The following TMEM232 variants were observed in gnomAD, a reference collection of about 807,000 sequenced individuals.
TMEM232 encodes transmembrane protein 232.
A neutral mutation model predicts 78.8 loss-of-function variants in TMEM232; 80 were observed. The observed-to-expected ratio is 1.01, with a 90% CI of 0.85 to 1.22. TMEM232 has a LOEUF of 1.22. TMEM232 is among the 50% of genes most tolerant of loss of function. The pLI, the probability that TMEM232 is intolerant of heterozygous loss-of-function variation, is 0.00. For missense variants in TMEM232, 881 were observed against 742.2 expected (o/e 1.19, Z -2.17); for synonymous variants, 297 against 254.3 (o/e 1.17, Z -1.60).
At chr5:110,565,022 C>T (rs999391175) in intron 11 of TMEM232, among the ~76,000 whole-genome samples, 7 of 151,872 alleles carry the variant, frequency 4.6e-5, no homozygotes, top group Non-Finnish European at 8.8e-5. Flanking sequence ...ATAATTTCAT[C>T]GGTTTACTTC....
chr5:110,492,032 GC>G (rs1765155883), intron 12 of TMEM232, among the ~76,000 whole-genome samples: 1 of 151,452 alleles, frequency 6.6e-6, no homozygotes, highest in Admixed American at 6.6e-5. Context: ...ACAGACAATT[GC>G]CAGCAAACAT....
chr5:110,587,113 G>A (rs760662596), intron 10 of TMEM232, among the ~76,000 whole-genome samples: 1 of 151,948 alleles, frequency 6.6e-6, no homozygotes, highest in African/African-American at 2.4e-5. Context: ...TTTTAAATAA[G>A]GACAGAAGTT....
At chr5:110,620,795 T>C (rs1783633438) in intron 7 of TMEM232, among the ~76,000 whole-genome samples, 1 of 150,984 alleles carries the variant, frequency 6.6e-6, no homozygotes, top group Non-Finnish European at 1.5e-5. Flanking sequence ...CTGCCACACC[T>C]GCGAATTTTC....
intron 8 of TMEM232, chr5:110,618,106 C>A (rs1783166845): frequency 4.2e-6 from 1 of 240,570 alleles, no homozygotes; most frequent in Non-Finnish European, 8.0e-6. Flanking sequence ...TTGTGTTTCA[C>A]TGCTTTTGTT....
At chr5:110,626,965 C>A (rs1784500081) in intron 6 of TMEM232, among the ~76,000 whole-genome samples, 1 of 152,020 alleles carries the variant, frequency 6.6e-6, no homozygotes, top group African/African-American at 2.4e-5. Flanking sequence ...TTTCTCCCTG[C>A]CCCTCGCCCT....
chr5:110,491,843 A>C (rs1440328008), intron 12 of TMEM232, among the ~76,000 whole-genome samples: 8 of 151,924 alleles, frequency 5.3e-5, no homozygotes, highest in Non-Finnish European at 8.8e-5. Flanking sequence ...AAATATGGGA[A>C]AAGTAAGTAA....
intron 1 of TMEM232, among the ~76,000 whole-genome samples, chr5:110,722,192 G>A (rs924861260): frequency 3.9e-5 from 6 of 152,064 alleles, no homozygotes; most frequent in Non-Finnish European, 8.8e-5. Context: ...TATATCTTTA[G>A]AAAAATAAAC....
At chr5:110,410,586 A>G (rs1755958587) in intron 2 of TMEM232, among the ~76,000 whole-genome samples, 1 of 152,222 alleles carries the variant, frequency 6.6e-6, no homozygotes, top group African/African-American at 2.4e-5. Context: ...GTTCTTTTAG[A>G]CAATGTTGAG....
intron 12 of TMEM232, among the ~76,000 whole-genome samples, chr5:110,435,447 A>G (rs1382192682): frequency 6.6e-6 from 1 of 151,828 alleles, no homozygotes; most frequent in Non-Finnish European, 1.5e-5. Context: ...TGGATTATAC[A>G]TCCCCTCAAG....
intron 12 of TMEM232, among the ~76,000 whole-genome samples, chr5:110,506,305 C>T (rs1413377329): frequency 6.6e-6 from 1 of 152,050 alleles, no homozygotes; most frequent in Admixed American, 6.6e-5. Flanking sequence ...GGAGGCAAGT[C>T]TGTTTTCCTC....
At chr5:110,584,449 T>G (rs980385182) in intron 10 of TMEM232, among the ~76,000 whole-genome samples, 4 of 152,102 alleles carry the variant, frequency 2.6e-5, no homozygotes, top group Admixed American at 2.0e-4. Context: ...CTAAAATAGT[T>G]AAGCTGCCCG....
At chr5:110,620,350 G>A (rs917543127) in intron 7 of TMEM232, among the ~76,000 whole-genome samples, 3 of 152,082 alleles carry the variant, frequency 2.0e-5, no homozygotes, top group African/African-American at 4.8e-5. Context: ...AAAGCCACTT[G>A]ACAATTTGTT....
chr5:110,528,522 C>A, intron 12 of TMEM232, 66 bp downstream of exon 12: 2 of 1,386,182 alleles, frequency 1.4e-6, no homozygotes, highest in Non-Finnish European at 1.9e-6. Flanking sequence ...ACATAATTAT[C>A]TATAATTTCT....
At chr5:110,708,840 G>C (rs538809622) in intron 1 of TMEM232, among the ~76,000 whole-genome samples, 5 of 151,538 alleles carry the variant, frequency 3.3e-5, no homozygotes, top group African/African-American at 7.3e-5. Flanking sequence ...ACAGAAGACC[G>C]CAAAACAAAT....
At chr5:110,709,321 A>C (rs1471016588) in intron 1 of TMEM232, among the ~76,000 whole-genome samples, 2 of 152,170 alleles carry the variant, frequency 1.3e-5, no homozygotes, top group Non-Finnish European at 2.9e-5. Flanking sequence ...CATTAGACAC[A>C]TCTTCCAAAC....
At chr5:110,504,929 T>C (rs1377880081) in intron 12 of TMEM232, among the ~76,000 whole-genome samples, 1 of 152,206 alleles carries the variant, frequency 6.6e-6, no homozygotes, top group Non-Finnish European at 1.5e-5. Context: ...GTCACATAAA[T>C]ATGACAGGGC....
intron 12 of TMEM232, among the ~76,000 whole-genome samples, chr5:110,519,357 G>T (rs1195357620): frequency 2.6e-5 from 4 of 152,060 alleles, no homozygotes; most frequent in African/African-American, 4.8e-5. Context: ...GAAGCATAAG[G>T]TACTGATGAT....
At chr5:110,717,349 C>T (rs143519552) in intron 1 of TMEM232, among the ~76,000 whole-genome samples, 57 of 152,136 alleles carry the variant, frequency 3.7e-4, no homozygotes, top group Admixed American at 8.5e-4. Context: ...GTTTTAATGA[C>T]GCCATTTACT....
chr5:110,516,837 A>G (rs532585288), intron 12 of TMEM232, among the ~76,000 whole-genome samples: 2 of 151,862 alleles, frequency 1.3e-5, no homozygotes, highest in South Asian at 4.1e-4. Flanking sequence ...ACACAAGGAA[A>G]TTTTTTTTGG....
Sources: allele counts gnomAD v4.1 joint callset (sites outside exome capture counted in the v4.1 genomes callset), GRCh38; gene constraint gnomAD v4.1.1; transcripts MANE v1.5; gene names NCBI Gene and HGNC (gene_info 2026-07-23, HGNC 2026-07-21).